The following GULP1 variants were observed in gnomAD, a reference collection of about 807,000 sequenced individuals.
GULP1 encodes the protein GULP PTB domain containing engulfment adaptor 1, also known as PTB domain-containing engulfment adapter protein 1.
Under a neutral mutation model 40.9 loss-of-function variants are expected in GULP1, and 19 were observed. The observed-to-expected ratio is 0.46, with a 90% confidence interval of 0.32 to 0.68. The LOEUF (loss-of-function observed/expected upper bound fraction) is 0.68, where lower values mean the gene tolerates loss of function less well. Ranked by LOEUF, GULP1 falls within the 30% of genes least tolerant of loss-of-function variation. The probability of loss-of-function intolerance (pLI) is 0.03; values close to 1 mark genes in which losing one functional copy is unlikely to be tolerated. For missense variants in GULP1, 312 were observed against 362.2 expected (o/e 0.86, Z 1.12); for synonymous variants, 119 against 117.6 (o/e 1.01, Z -0.08).
intron 2 of GULP1, among the ~76,000 whole-genome samples, chr2:188,427,339 G>A (rs2056330274): frequency 6.6e-6 from 1 of 152,200 alleles, no homozygotes; most frequent in Non-Finnish European, 1.5e-5. Context: ...ACTGGCTGCA[G>A]AAATTTCCAT....
chr2:188,501,636 T>C (rs1339129681), intron 4 of GULP1, among the ~76,000 whole-genome samples: 26 of 151,932 alleles, frequency 1.7e-4, no homozygotes, highest in Admixed American at 1.4e-3. Context: ...AAATGCCTCT[T>C]GTTAAAGATG....
chr2:188,571,438 AGAGT>A (rs1219710049), intron 9 of GULP1, among the ~76,000 whole-genome samples: 1 of 152,300 alleles, frequency 6.6e-6, no homozygotes, highest in East Asian at 1.9e-4. Context: ...CCCATTTGAA[AGAGT>A]GAGTATTTCC....
chr2:188,522,190 C>T (rs2065855481), intron 4 of GULP1, among the ~76,000 whole-genome samples: 1 of 151,614 alleles, frequency 6.6e-6, no homozygotes, highest in Non-Finnish European at 1.5e-5. Flanking sequence ...TTAAAAGAAG[C>T]TTGTATTTTA....
chr2:188,507,370 G>A (rs527776127), intron 4 of GULP1, among the ~76,000 whole-genome samples: 4 of 149,420 alleles, frequency 2.7e-5, no homozygotes, highest in African/African-American at 9.8e-5. Flanking sequence ...GTGTGTTTCT[G>A]GAGCAAAGAG....
chr2:188,433,749 G>GT (rs993892568), intron 2 of GULP1, among the ~76,000 whole-genome samples: 3 of 151,982 alleles, frequency 2.0e-5, no homozygotes, highest in African/African-American at 4.8e-5. Context: ...ATTCAAAGAG[G>GT]TTTTTTCTGA....
intron 1 of GULP1, among the ~76,000 whole-genome samples, chr2:188,372,733 C>T (rs990107764): frequency 1.3e-5 from 2 of 151,928 alleles, no homozygotes; most frequent in African/African-American, 2.4e-5. Context: ...TTTTATTCTT[C>T]TGGAGATCTG....
chr2:188,520,926 A>G (rs1366342273), intron 4 of GULP1, among the ~76,000 whole-genome samples: 2 of 152,072 alleles, frequency 1.3e-5, no homozygotes, highest in African/African-American at 2.4e-5. Context: ...TTCCTTAGTG[A>G]TTATTTTTTT....
intron 7 of GULP1, among the ~76,000 whole-genome samples, chr2:188,557,714 A>G (rs531179414): frequency 6.6e-6 from 1 of 152,356 alleles, no homozygotes; most frequent in East Asian, 1.9e-4. Context: ...TTCACTAGGC[A>G]GTCCCCCAAT....
At chr2:188,446,859 G>C (rs553959804) in intron 2 of GULP1, among the ~76,000 whole-genome samples, 2 of 138,348 alleles carry the variant, frequency 1.4e-5, no homozygotes, top group East Asian at 2.2e-4. Flanking sequence ...TTCATTGAGT[G>C]ATATTTTGGA....
At chr2:188,465,954 G>GGTGT (rs898679340) in intron 2 of GULP1, among the ~76,000 whole-genome samples, 1 of 150,330 alleles carries the variant, frequency 6.7e-6, no homozygotes, top group African/African-American at 2.5e-5. Flanking sequence ...CTCTTATGAA[G>GGTGT]GTGTGTGTGT....
intron 4 of GULP1, among the ~76,000 whole-genome samples, chr2:188,493,853 T>C (rs1192163366): frequency 6.6e-6 from 1 of 152,066 alleles, no homozygotes. Flanking sequence ...CAGTTTTCAT[T>C]GGGTTGCGTC....
intron 1 of GULP1, among the ~76,000 whole-genome samples, chr2:188,315,969 A>G (rs2039009240): frequency 6.6e-6 from 1 of 152,116 alleles, no homozygotes; most frequent in African/African-American, 2.4e-5. Context: ...TGTAAGAAAC[A>G]CCAAGAAGAA....
chr2:188,499,791 A>G (rs2063257532), intron 4 of GULP1, among the ~76,000 whole-genome samples: 1 of 151,876 alleles, frequency 6.6e-6, no homozygotes, highest in Non-Finnish European at 1.5e-5. Context: ...TACATATGTT[A>G]AAACATATAC....
At chr2:188,330,842 TC>T (rs963817027) in intron 1 of GULP1, among the ~76,000 whole-genome samples, 1 of 152,016 alleles carries the variant, frequency 6.6e-6, no homozygotes, top group Non-Finnish European at 1.5e-5. Context: ...CTCTCTCAGC[TC>T]CCCCGACAAT....
intron 1 of GULP1, among the ~76,000 whole-genome samples, chr2:188,324,648 A>G (rs1005835419): frequency 6.6e-6 from 1 of 152,004 alleles, no homozygotes; most frequent in African/African-American, 2.4e-5. Flanking sequence ...CAATTTTATT[A>G]TAATACCCTC....
At chr2:188,339,707 G>A (rs768377006) in intron 1 of GULP1, among the ~76,000 whole-genome samples, 2 of 152,152 alleles carry the variant, frequency 1.3e-5, no homozygotes, top group Non-Finnish European at 2.9e-5. Context: ...ATGGGTACAT[G>A]AAGGTTTACT....
chr2:188,476,617 A>G (rs1334331184), intron 2 of GULP1, among the ~76,000 whole-genome samples: 1 of 152,156 alleles, frequency 6.6e-6, no homozygotes, highest in Non-Finnish European at 1.5e-5. Flanking sequence ...TTTTAATTCT[A>G]AAAAGTATTT....
intron 7 of GULP1, among the ~76,000 whole-genome samples, chr2:188,560,944 T>A (rs1696095881): frequency 6.6e-6 from 1 of 152,206 alleles, no homozygotes. Context: ...ACCCCCATGA[T>A]CCAATCACCT....
At chr2:188,565,994 A>G (rs1266694384) in intron 7 of GULP1, among the ~76,000 whole-genome samples, 1 of 152,166 alleles carries the variant, frequency 6.6e-6, no homozygotes, top group East Asian at 1.9e-4. Context: ...ATAAAAATTG[A>G]AGAATCGTCA....
Sources: gnomAD v4.1 joint callset for allele counts (sites outside exome capture counted in the v4.1 genomes callset) on GRCh38, gnomAD v4.1.1 for gene constraint, MANE v1.5 for transcripts, NCBI Gene and HGNC (gene_info 2026-07-23, HGNC 2026-07-21) for gene names.